The following KANK1 variants were observed in gnomAD, a reference collection of about 807,000 sequenced individuals.
The protein encoded by KANK1 is KN motif and ankyrin repeat domains 1.
KANK1 carries 109 observed loss-of-function variants against 106.2 expected under a neutral mutation model. The observed-to-expected ratio is 1.03, with a 90% CI of 0.88 to 1.20. The LOEUF (loss-of-function observed/expected upper bound fraction) is 1.20. Ranked by LOEUF, KANK1 falls within the 50% of genes most tolerant of loss-of-function variation. KANK1 has a pLI of 0.00. For missense variants in KANK1, 2,399 were observed against 1,710.7 expected (o/e 1.40, Z -7.10); for synonymous variants, 873 against 652.2 (o/e 1.34, Z -5.16).
intron 3 of KANK1, among the ~76,000 whole-genome samples, chr9:724,053 A>T (rs924625158): frequency 3.3e-5 from 5 of 150,972 alleles, no homozygotes; most frequent in African/African-American, 1.2e-4. Flanking sequence ...GTGAGCAGAG[A>T]TCACGCCACT....
At chr9:655,370 T>TAAAA (rs59311073) in intron 1 of KANK1, among the ~76,000 whole-genome samples, 1 of 137,848 alleles carries the variant, frequency 7.3e-6, no homozygotes, top group African/African-American at 2.7e-5. Flanking sequence ...AAATTCTGTC[T>TAAAA]AAAAAAAAAA....
Position 676,903 on chromosome 9 carries a change from G to C in KANK1, c.-70G>C. ...TTATTGTTTCAGGTTGAATGCCTTTGAGAACTTGATGCATAAAATTTGCAT... is the reference window on the plus strand; with the variant it reads ...TTATTGTTTCAGGTTGAATGCCTTTCAGAACTTGATGCATAAAATTTGCAT... On this transcript the variant is annotated 5_prime_UTR_variant, in exon 2 of 12. Coordinates refer to ENST00000382297, the MANE Select transcript of KANK1 (RefSeq NM_015158.5). The C allele has an allele frequency of 7.8e-7, 1 of 1,279,706 alleles. No homozygotes were observed. The highest frequency in any genetic ancestry group is 1.1e-6 in the Non-Finnish European group (1 of 885,416). 79.3% of individuals were successfully genotyped at this position (1,279,706 alleles called of 1,614,324 possible).
At chr9:679,617 G>A (rs1419495055) in intron 2 of KANK1, among the ~76,000 whole-genome samples, 4 of 152,136 alleles carry the variant, frequency 2.6e-5, no homozygotes, top group East Asian at 1.9e-4. Context: ...GTTTCACCAT[G>A]TTAACCAGGC....
chr9:528,287 T>G (rs1329327831), intron 1 of KANK1, among the ~76,000 whole-genome samples: 1 of 151,920 alleles, frequency 6.6e-6, no homozygotes, highest in Non-Finnish European at 1.5e-5. Flanking sequence ...AAAAATTATA[T>G]TTAGATAACT....
intron 1 of KANK1, among the ~76,000 whole-genome samples, chr9:663,059 C>G (rs7864832): frequency 6.6e-6 from 1 of 152,130 alleles, no homozygotes; most frequent in East Asian, 1.9e-4. Context: ...CAGGCACACA[C>G]GAGCTTGTCA....
At chr9:493,411 G>A (rs1447696574) in intron 3 of KANK1, among the ~76,000 whole-genome samples, 1 of 152,032 alleles carries the variant, frequency 6.6e-6, no homozygotes, top group Non-Finnish European at 1.5e-5. Flanking sequence ...AATGACAGAA[G>A]CCCCCAGTGA....
chr9:684,721 A>T (rs1818218828), intron 2 of KANK1: 2 of 318,190 alleles, frequency 6.3e-6, no homozygotes, highest in African/African-American at 2.3e-5. Flanking sequence ...ATTTCAGTTC[A>T]TCTCCTTTGT....
intron 2 of KANK1, among the ~76,000 whole-genome samples, chr9:678,780 A>G (rs1372379129): frequency 6.6e-6 from 1 of 152,126 alleles, no homozygotes; most frequent in Admixed American, 6.5e-5. Flanking sequence ...ATATTTGGTG[A>G]GAGAGGAGAT....
chr9:539,600 C>T (rs1194026882), intron 1 of KANK1: 1 of 152,176 alleles, frequency 6.6e-6, no homozygotes, highest in South Asian at 2.1e-4. Context: ...AAGTGATCCT[C>T]TTGCCTCAGC....
At chr9:563,060 A>G (rs1277473254) in intron 1 of KANK1, among the ~76,000 whole-genome samples, 1 of 152,186 alleles carries the variant, frequency 6.6e-6, no homozygotes, top group Non-Finnish European at 1.5e-5. Flanking sequence ...GGTGATTTCT[A>G]ATTACATGAA....
Position 696,381 on chromosome 9 carries a change from C to T in KANK1, c.38-14423C>T, listed in dbSNP as rs563318369. Among the ~76,000 whole-genome samples, 14 of 152,176 alleles carry T rather than the reference C, an allele frequency of 9.2e-5. No homozygotes were observed. In the East Asian group the frequency reaches 1.5e-3, roughly 17 times the overall value. On this transcript the variant is annotated intron_variant, in intron 2 of 11. Transcript: ENST00000382297. ...GTGCTTGCTAACTGTAACACAGTTC[C>T]GCGTATATAGGCAAAGTGACTTAGG...
At chr9:663,261 CT>C (rs1418639378) in intron 1 of KANK1, among the ~76,000 whole-genome samples, 1 of 152,172 alleles carries the variant, frequency 6.6e-6, no homozygotes, top group Non-Finnish European at 1.5e-5. Context: ...CATTGTTGTT[CT>C]TTAATGCTTA....
intron 1 of KANK1, among the ~76,000 whole-genome samples, chr9:546,683 T>C (rs1338667896): frequency 6.8e-6 from 1 of 147,574 alleles, no homozygotes; most frequent in African/African-American, 2.5e-5. Flanking sequence ...CCCCAAGCAG[T>C]AAATTCTGTA....
intron 1 of KANK1, among the ~76,000 whole-genome samples, chr9:666,633 T>A (rs1844650444): frequency 6.6e-6 from 1 of 152,130 alleles, no homozygotes; most frequent in Non-Finnish European, 1.5e-5. Flanking sequence ...ACCCGGTTTG[T>A]TGAGGGTTTT....
chr9:608,216 T>C (rs1406846486), intron 1 of KANK1, among the ~76,000 whole-genome samples: 1 of 150,086 alleles, frequency 6.7e-6, no homozygotes, highest in African/African-American at 2.5e-5. Context: ...TTTTTGTATT[T>C]TTAGTAGAGA....
rs773608934 is a variant in KANK1, at chr9:580,697, A to G, written c.-84+75943A>G. On this transcript the variant is annotated intron_variant, in intron 1 of 11. Coordinates refer to ENST00000382297, the MANE Select transcript of KANK1 (RefSeq NM_015158.5). ...AAGTGCCCACTAGACTCAGGAGTCCAGCTGGCTTCACCTAGTGGATCCCGC... is the reference window on the plus strand; with the variant it reads ...AAGTGCCCACTAGACTCAGGAGTCCGGCTGGCTTCACCTAGTGGATCCCGC... 2.0e-5 allele frequency among the ~76,000 whole-genome samples: 3 copies of G among 152,386 alleles called. No homozygotes were observed. The Middle Eastern group carries it at 0.01, about 518-fold the overall frequency.
chr9:734,846 C>G lies in KANK1; in HGVS notation c.3333+11C>G, dbSNP rs1437397929. On this transcript the variant is annotated intron_variant, in intron 7 of 11. Coordinates refer to ENST00000382297, the MANE Select transcript of KANK1 (RefSeq NM_015158.5). ...ACCAGCAAAGATATGGTGAGTCTGA[C>G]CTGCAAACACCATCCCCAGTGTGTA... The G allele has an allele frequency of 4.4e-6, 7 of 1,588,594 alleles. No homozygotes were observed. Among genetic ancestry groups the G allele is most frequent in the Non-Finnish European group, 6.1e-6 (7 of 1,156,918 alleles).
rs942835153 is a variant in KANK1, at chr9:648,289, A to G, written c.-83-28601A>G. Among the ~76,000 whole-genome samples the G allele has an allele frequency of 2.6e-5, 4 of 152,046 alleles. 1 individual carries two copies. The highest frequency in any genetic ancestry group is 2.0e-4 in the Admixed American group (3 of 15,262). ...AGTGCTGAGATTACAGGCGTGAGCC[A>G]CCACGCCTGGCCAGTTCTTTTCCTT... On this transcript the variant is annotated intron_variant, in intron 1 of 11. Transcript: ENST00000382297.
At chr9:726,370 T>G (rs10758843) in intron 3 of KANK1, among the ~76,000 whole-genome samples, 102,226 of 152,102 alleles carry the variant, frequency 0.67, 35,494 homozygotes, top group African/African-American at 0.85. Flanking sequence ...CAGGCACGGT[T>G]GCTCACGCCT....
Sources: gnomAD v4.1 joint callset for allele counts (sites outside exome capture counted in the v4.1 genomes callset) on GRCh38, gnomAD v4.1.1 for gene constraint, MANE v1.5 for transcripts, NCBI Gene and HGNC (gene_info 2026-07-23, HGNC 2026-07-21) for gene names.